Variants in KYNU observed in about 807,000 individuals in gnomAD.
The protein encoded by KYNU is kynureninase.
Under a neutral mutation model 59.2 loss-of-function variants are expected in KYNU, and 54 were observed. The observed-to-expected ratio is 0.91, with a 90% CI of 0.73 to 1.14. The LOEUF (loss-of-function observed/expected upper bound fraction) is 1.14, where lower values mean the gene tolerates loss of function less well. Ranked by LOEUF, KYNU falls within the 50% of genes most tolerant of loss-of-function variation. The probability of loss-of-function intolerance (pLI) is 0.00; values close to 1 mark genes in which losing one functional copy is unlikely to be tolerated. For synonymous variants in KYNU, 177 were observed against 192.0 expected (o/e 0.92, Z 0.65); for missense variants, 567 against 554.4 (o/e 1.02, Z -0.23).
At chr2:142,907,517 T>G (rs1018994924) in intron 2 of KYNU, among the ~76,000 whole-genome samples, 2 of 151,904 alleles carry the variant, frequency 1.3e-5, no homozygotes, top group South Asian at 2.1e-4. Flanking sequence ...ATAGCAGTTG[T>G]GGATGGTGAG....
At chr2:143,007,670 A>T (rs1187171789) in intron 10 of KYNU, among the ~76,000 whole-genome samples, 1 of 117,942 alleles carries the variant, frequency 8.5e-6, no homozygotes, top group Non-Finnish European at 1.7e-5. Flanking sequence ...AGGTCGGGTT[A>T]CCGTCAAAGG....
chr2:142,949,147 T>A (rs1361908739), intron 4 of KYNU, among the ~76,000 whole-genome samples: 2 of 152,226 alleles, frequency 1.3e-5, no homozygotes, highest in African/African-American at 4.8e-5. Flanking sequence ...CCATGTGGTC[T>A]TGGGCAGCTC....
chr2:143,020,773 T>A lies in KYNU; in HGVS notation c.903-8854T>A, dbSNP rs540705898. 7.4e-4 allele frequency among the ~76,000 whole-genome samples: 113 copies of A among 152,350 alleles called. 1 individual carries two copies. Among genetic ancestry groups the A allele is most frequent in the African/African-American group, 2.6e-3 (109 of 41,594 alleles). The stretch of plus-strand genomic sequence containing the variant: ...GTATAATTATACATAATTTACTTCA[T>A]ACTTATTCAAATACTTTTGGAGATT... On this transcript the variant is annotated intron_variant, in intron 10 of 13. Transcript: ENST00000264170.
chr2:142,925,289 AAAT>A (rs779007171), intron 3 of KYNU, among the ~76,000 whole-genome samples: 28 of 152,306 alleles, frequency 1.8e-4, no homozygotes, highest in Non-Finnish European at 3.8e-4. Context: ...ATAATAATAC[AAAT>A]AATAATAACT....
intron 10 of KYNU, chr2:142,989,008 A>G: frequency 1.2e-6 from 1 of 817,900 alleles, no homozygotes; most frequent in Non-Finnish European, 2.0e-6. Flanking sequence ...ATTCACCTGA[A>G]AATCAAATAC....
At chr2:142,977,566 CT>C (rs1403464104) in intron 8 of KYNU, among the ~76,000 whole-genome samples, 2 of 151,748 alleles carry the variant, frequency 1.3e-5, no homozygotes, top group East Asian at 3.9e-4. Context: ...TGTCTTTTTC[CT>C]TTTTATTTGT....
chr2:143,019,132 C>T lies in KYNU; in HGVS notation c.903-10495C>T, dbSNP rs74448246. Among the ~76,000 whole-genome samples, 1,302 of 152,156 alleles carry T rather than the reference C, an allele frequency of 8.6e-3. 10 individuals carry two copies. The highest frequency in any genetic ancestry group is 0.03 in the African/African-American group (1,252 of 41,534). ...CTGTCTGAATGATTTTTATTTATTT[C>T]TCTTGCCTGATTGCTCTGTCTAGGA... On this transcript the variant is annotated intron_variant, in intron 10 of 13. Transcript: ENST00000264170.
intron 2 of KYNU, among the ~76,000 whole-genome samples, chr2:142,892,088 AT>A (rs1681736148): frequency 1.3e-5 from 2 of 152,070 alleles, no homozygotes; most frequent in South Asian, 4.1e-4. Flanking sequence ...AACTGTTTGT[AT>A]TTTTGGTGGA....
At chr2:142,988,064 T>C (rs1366054767) in intron 10 of KYNU, among the ~76,000 whole-genome samples, 1 of 151,826 alleles carries the variant, frequency 6.6e-6, no homozygotes. Context: ...CTTTATAAAT[T>C]ACCCAGTCTC....
chr2:143,055,635 GAA>G lies in KYNU; in HGVS notation c.*13464_*13465del, dbSNP rs1687339914. The G allele has an allele frequency of 1.5e-5, 1 of 67,842 alleles. No individual in the cohort carries two copies. Among genetic ancestry groups the G allele is most frequent in the Admixed American group, 1.3e-4 (1 of 7,568 alleles). 4.2% of individuals were successfully genotyped at this position (67,842 alleles called of 1,614,324 possible). On this transcript the variant is annotated 3_prime_UTR_variant, in exon 14 of 14. Coordinates refer to ENST00000264170, the MANE Select transcript of KYNU (RefSeq NM_003937.3). ...AGGGTCATTAGTCATCTTACCACAGGAAGGAAGGAAGGAAGGAAGGAAGGAAG... is the reference window on the plus strand; with the variant it reads ...AGGGTCATTAGTCATCTTACCACAGGGGAAGGAAGGAAGGAAGGAAGGAAG...
Position 143,055,015 on chromosome 2 carries a change from C to T in KYNU, c.*12843C>T, listed in dbSNP as rs541415907. 13 of 151,800 alleles carry T rather than the reference C, an allele frequency of 8.6e-5. No homozygotes were observed. Among genetic ancestry groups the T allele is most frequent in the African/African-American group, 3.1e-4 (13 of 41,384 alleles). 9.4% of individuals were successfully genotyped at this position (151,800 alleles called of 1,614,324 possible). ...TGGGAGTAAGAAGCTATTCATATTTCTATATATATATACCAAGTACATAGG... is the reference window on the plus strand; with the variant it reads ...TGGGAGTAAGAAGCTATTCATATTTTTATATATATATACCAAGTACATAGG... On this transcript the variant is annotated 3_prime_UTR_variant, in exon 14 of 14. Coordinates refer to ENST00000264170, the MANE Select transcript of KYNU (RefSeq NM_003937.3).
In KYNU at chr2:142,918,669, G is replaced by A. The variant is rs1682761321; in HGVS notation, c.230G>A (p.Gly77Asp). ...NAIYFLGNSL[G>D]LQPKMVKTYL... Reference sequence around the variant, plus strand: ...ATCTATTTCTTGGGAAATTCTCTTGGCCTTCAACCAAAAATGGTTAAAACA... The same window carrying A: ...ATCTATTTCTTGGGAAATTCTCTTGACCTTCAACCAAAAATGGTTAAAACA... The change falls in exon 3 of 14, where the codon GGC (glycine) becomes GAC (aspartate). Residue 77 changes from glycine to aspartate, a missense_variant. Physicochemically the swap from Gly to Asp is moderately conservative, Grantham distance 94. Transcript: ENST00000264170. 6.2e-7 allele frequency: 1 copy of A among 1,609,878 alleles called. No individual in the cohort carries two copies. The highest frequency in any genetic ancestry group is 8.5e-7 in the Non-Finnish European group (1 of 1,178,342).
intron 8 of KYNU, among the ~76,000 whole-genome samples, chr2:142,968,748 T>C (rs903181298): frequency 2.0e-5 from 3 of 151,928 alleles, no homozygotes; most frequent in African/African-American, 7.3e-5. Context: ...ACATCGCCTA[T>C]ATAAAAAATT....
Position 142,956,271 on chromosome 2 carries a change from T to C in KYNU, c.504T>C (p.Asp168=). 6.3e-7 allele frequency: 1 copy of C among 1,585,736 alleles called. No individual in the cohort carries two copies. The highest frequency in any genetic ancestry group is 8.7e-7 in the Non-Finnish European group (1 of 1,154,884). Residue 168 remains aspartate, a synonymous_variant, in exon 6 of 14, where the codon GAT becomes GAC. Coordinates refer to ENST00000264170, the MANE Select transcript of KYNU (RefSeq NM_003937.3). ...ILLEAKAFPS[D]HYAIESQLQL... is the part of the protein sequence containing the mutation. ...TAGAAGCCAAAGCCTTCCCTTCTGA[T>C]CATGTAAGGACTTCTTCAAATTGTA...
intron 10 of KYNU, among the ~76,000 whole-genome samples, chr2:143,003,286 G>T (rs1332890708): frequency 3.5e-5 from 5 of 142,882 alleles, no homozygotes; most frequent in East Asian, 1.9e-4. Context: ...CTTTACAGCT[G>T]GGGGGGGTGG....
At chr2:142,912,795 T>C (rs1176091111) in intron 2 of KYNU, among the ~76,000 whole-genome samples, 1 of 147,846 alleles carries the variant, frequency 6.8e-6, no homozygotes, top group East Asian at 2.1e-4. Context: ...TTGCAAGCTC[T>C]GCCTCCCGGG....
chr2:142,958,096 G>A (rs1035734982), intron 7 of KYNU: 7 of 238,818 alleles, frequency 2.9e-5, no homozygotes, highest in South Asian at 1.1e-4. Flanking sequence ...AAATGGAATC[G>A]TGACTATATT....
chr2:142,910,418 G>A (rs1252302155), intron 2 of KYNU, among the ~76,000 whole-genome samples: 2 of 151,652 alleles, frequency 1.3e-5, no homozygotes, highest in African/African-American at 4.8e-5. Context: ...TTTTTAATGG[G>A]GTTATTTGTT....
At chr2:142,896,685 C>T (rs1379619783) in intron 2 of KYNU, among the ~76,000 whole-genome samples, 1 of 152,068 alleles carries the variant, frequency 6.6e-6, no homozygotes, top group Non-Finnish European at 1.5e-5. Flanking sequence ...CAGGGTCTCG[C>T]TTTGTTGCCC....
Sources: gnomAD v4.1 joint callset for allele counts (sites outside exome capture counted in the v4.1 genomes callset) on GRCh38, gnomAD v4.1.1 for gene constraint, MANE v1.5 for transcripts, NCBI Gene and HGNC (gene_info 2026-07-23, HGNC 2026-07-21) for gene names.